PIGL: variants seen among roughly 807,000 people sequenced by gnomAD.
PIGL encodes the protein N-acetylglucosaminyl-phosphatidylinositol de-N-acetylase.
Under a neutral mutation model 31.1 loss-of-function variants are expected in PIGL, and 22 were observed. That is an observed-to-expected ratio of 0.71 (90% CI 0.51 to 1.01). PIGL has a LOEUF of 1.01. Ranked by LOEUF, PIGL falls within the 50% of genes least tolerant of loss-of-function variation. The pLI is 0.00. For synonymous variants in PIGL, 131 were observed against 117.4 expected (o/e 1.12, Z -0.75); for missense variants, 302 against 315.9 (o/e 0.96, Z 0.33).
intron 2 of PIGL, among the ~76,000 whole-genome samples, chr17:16,283,550 G>C (rs1032523389): frequency 6.6e-6 from 1 of 152,136 alleles, no homozygotes; most frequent in Non-Finnish European, 1.5e-5. Flanking sequence ...GCCAGGTGCC[G>C]TGGCTCACAC....
chr17:16,256,751 G>A (rs2092795500), intron 2 of PIGL, among the ~76,000 whole-genome samples: 1 of 151,850 alleles, frequency 6.6e-6, no homozygotes, highest in African/African-American at 2.4e-5. Flanking sequence ...CTGGAGTGCA[G>A]TGGTGCAGCC....
chr17:16,313,603 T>G lies in PIGL; in HGVS notation c.483T>G (p.Tyr161Ter). ...VSGHSNHIAL[Y>*]AAVRALHSEG... The stretch of plus-strand genomic sequence containing the variant: ...GCCACAGCAATCACATTGCTCTGTA[T>G]GCAGCTGTGAGGTATGATTCTCCGG... Residue 161 changes from tyrosine (Y) to a stop codon, truncating the protein, a stop_gained, in exon 4 of 7, where the codon TAT becomes TAG. Transcript: ENST00000225609. LOFTEE classifies it high-confidence loss of function. 3 of 1,612,812 alleles carry G rather than the reference T, an allele frequency of 1.9e-6. No homozygotes were observed. Among genetic ancestry groups the G allele is most frequent in the South Asian group, 1.1e-5 (1 of 91,060 alleles).
intron 5 of PIGL, chr17:16,317,014 C>A: frequency 8.6e-7 from 1 of 1,163,790 alleles, no homozygotes; most frequent in Non-Finnish European, 1.1e-6. Flanking sequence ...GAACTCAATC[C>A]CATCCCCCAA....
At chr17:16,217,731 T>C (rs1238200714) in intron 1 of PIGL, 6 of 455,370 alleles carry the variant, frequency 1.3e-5, no homozygotes, top group Non-Finnish European at 1.2e-5. Context: ...TGCATTTCCG[T>C]TGGGAACTCC....
chr17:16,304,665 AG>A (rs2093019314), intron 3 of PIGL, among the ~76,000 whole-genome samples: 1 of 152,176 alleles, frequency 6.6e-6, no homozygotes, highest in Admixed American at 6.5e-5. Flanking sequence ...AAAGCAGCCT[AG>A]GGGGGTAGTA....
intron 2 of PIGL, among the ~76,000 whole-genome samples, chr17:16,263,093 T>TG (rs60411653): frequency 0.015 from 2,096 of 139,924 alleles, 65 homozygotes; most frequent in African/African-American, 0.047. Context: ...ATGGTTTATT[T>TG]GGGGGGGGGG....
intron 6 of PIGL, chr17:16,324,460 A>G (rs1428770610): frequency 6.6e-6 from 1 of 152,158 alleles, no homozygotes; most frequent in Admixed American, 6.6e-5. Flanking sequence ...TCCTGGGTTC[A>G]AGCAATTCTC....
At chr17:16,281,647 C>T (rs577486330) in intron 2 of PIGL, among the ~76,000 whole-genome samples, 110 of 152,294 alleles carry the variant, frequency 7.2e-4, no homozygotes, top group African/African-American at 2.5e-3. Context: ...GCCTGGTAGG[C>T]GTGTATATTT....
intron 3 of PIGL, among the ~76,000 whole-genome samples, chr17:16,303,718 T>TAG (rs2093014858): frequency 6.6e-6 from 1 of 151,250 alleles, no homozygotes; most frequent in African/African-American, 2.4e-5. Flanking sequence ...TTTGTATTTT[T>TAG]TTTTTTCTTT....
At chr17:16,309,885 A>C (rs969542931) in intron 3 of PIGL, among the ~76,000 whole-genome samples, 5 of 152,146 alleles carry the variant, frequency 3.3e-5, no homozygotes, top group Non-Finnish European at 7.4e-5. Flanking sequence ...TGAGACCAGC[A>C]CAGCCAACAT....
Position 16,277,261 on chromosome 17 carries a change from C to A in PIGL, c.336-22627C>A, listed in dbSNP as rs542394507. On this transcript the variant is annotated intron_variant, in intron 2 of 6. Transcript: ENST00000225609. Reference sequence around the variant, plus strand: ...CAAAGCCTTGGTGAAAAAAAAGTTTCTCCAATTGTGTTCTGATACAAAAGA... The same window carrying A: ...CAAAGCCTTGGTGAAAAAAAAGTTTATCCAATTGTGTTCTGATACAAAAGA... 9.9e-5 allele frequency among the ~76,000 whole-genome samples: 15 copies of A among 152,056 alleles called. No individual in the cohort carries two copies. In the South Asian group the frequency reaches 1.9e-3, roughly 19 times the overall value.
intron 1 of PIGL, among the ~76,000 whole-genome samples, chr17:16,231,048 T>A (rs1470449679): frequency 6.7e-6 from 1 of 149,382 alleles, no homozygotes; most frequent in Non-Finnish European, 1.5e-5. Flanking sequence ...ATATGGTTTT[T>A]TTTTTGGTTT....
At position 16,315,573 on chromosome 17, in the gene PIGL, G is replaced by A. The variant is rs897489985; in HGVS notation, c.495-1108G>A. Among the ~76,000 whole-genome samples the A allele has an allele frequency of 3.3e-5, 5 of 152,018 alleles. No individual in the cohort carries two copies. In the South Asian group the frequency reaches 8.3e-4, roughly 25 times the overall value. On this transcript the variant is annotated intron_variant, in intron 4 of 6. Transcript: ENST00000225609. ...GCTATAAGCTCTACTTCCAGACAGC[G>A]CCTCTAGCTCACTGCTTTCCCTGGA...
chr17:16,285,506 A>T (rs755275299), intron 2 of PIGL, among the ~76,000 whole-genome samples: 61 of 152,008 alleles, frequency 4.0e-4, no homozygotes, highest in Middle Eastern at 6.8e-3. Flanking sequence ...AATCACCTGA[A>T]CCCGGGCGGC....
At chr17:16,305,645 T>G (rs1197984190) in intron 3 of PIGL, among the ~76,000 whole-genome samples, 1 of 152,178 alleles carries the variant, frequency 6.6e-6, no homozygotes, top group Non-Finnish European at 1.5e-5. Context: ...CTGAATTTCA[T>G]GTGACCCCAA....
chr17:16,257,805 C>A (rs1266389041), intron 2 of PIGL, among the ~76,000 whole-genome samples: 2 of 152,082 alleles, frequency 1.3e-5, no homozygotes, highest in Non-Finnish European at 2.9e-5. Flanking sequence ...TGGCTTATGC[C>A]TGTAATCCCA....
intron 1 of PIGL, among the ~76,000 whole-genome samples, chr17:16,226,925 A>G (rs904400387): frequency 2.0e-5 from 3 of 152,084 alleles, no homozygotes; most frequent in African/African-American, 7.2e-5. Context: ...ATGTCTACCT[A>G]TTGTTTTAGT....
intron 2 of PIGL, among the ~76,000 whole-genome samples, chr17:16,285,312 C>T (rs558223574): frequency 1.9e-4 from 29 of 152,338 alleles, no homozygotes; most frequent in Admixed American, 7.8e-4. Flanking sequence ...CCAGGCCGGG[C>T]GCGGTGGCTC....
chr17:16,224,616 A>C (rs535691005), intron 1 of PIGL, among the ~76,000 whole-genome samples: 21 of 149,014 alleles, frequency 1.4e-4, no homozygotes, highest in Middle Eastern at 3.7e-3. Context: ...CCCCAAATAC[A>C]TTTTAGAATT....
Sources: gnomAD v4.1 joint callset for allele counts (sites outside exome capture counted in the v4.1 genomes callset) on GRCh38, gnomAD v4.1.1 for gene constraint, MANE v1.5 for transcripts, NCBI Gene and HGNC (gene_info 2026-07-23, HGNC 2026-07-21) for gene names.